The following RAPGEF2 variants were observed in gnomAD, a reference collection of about 807,000 sequenced individuals.
RAPGEF2 encodes Rap guanine nucleotide exchange factor 2, also known as PDZ domain containing guanine nucleotide exchange factor (GEF) 1.
Under a neutral mutation model 186.7 loss-of-function variants are expected in RAPGEF2, and 54 were observed. That is an observed-to-expected ratio of 0.29 (90% CI 0.23 to 0.36). The LOEUF (loss-of-function observed/expected upper bound fraction) is 0.36, where lower values mean the gene tolerates loss of function less well. Ranked by LOEUF, RAPGEF2 falls within the 10% of genes least tolerant of loss-of-function variation. The probability of loss-of-function intolerance (pLI) is 1.00; values close to 1 mark genes in which losing one functional copy is unlikely to be tolerated. For synonymous variants in RAPGEF2, 712 were observed against 705.9 expected, an observed-to-expected ratio of 1.01 and a Z score of -0.14; for missense variants, 1,532 against 2,045.0, an observed-to-expected ratio of 0.75 and a Z score of 4.84.
intron 1 of RAPGEF2, among the ~76,000 whole-genome samples, chr4:159,160,479 C>T (rs533997415): frequency 6.6e-6 from 1 of 152,310 alleles, no homozygotes; most frequent in African/African-American, 2.4e-5. Context: ...ACTCATGTAA[C>T]ATGGATATTG....
intron 18 of RAPGEF2, among the ~76,000 whole-genome samples, chr4:159,338,867 G>A (rs1487387414): frequency 6.6e-6 from 1 of 152,158 alleles, no homozygotes; most frequent in Non-Finnish European, 1.5e-5. Flanking sequence ...ACAGTCTTGA[G>A]TGCTACTGTT....
At chr4:159,315,917 C>T (rs1452878034) in intron 9 of RAPGEF2, among the ~76,000 whole-genome samples, 4 of 152,150 alleles carry the variant, frequency 2.6e-5, no homozygotes, top group African/African-American at 4.8e-5. Context: ...CGGATAACTG[C>T]GGGCGAGCCT....
chr4:159,183,506 A>G (rs970411800), intron 1 of RAPGEF2, among the ~76,000 whole-genome samples: 6 of 152,330 alleles, frequency 3.9e-5, no homozygotes, highest in African/African-American at 1.4e-4. Flanking sequence ...GGATTAGGTA[A>G]TGGTTTCTTA....
intron 3 of RAPGEF2, among the ~76,000 whole-genome samples, chr4:159,204,903 C>T (rs896024669): frequency 2.0e-5 from 3 of 152,042 alleles, no homozygotes; most frequent in Admixed American, 6.6e-5. Context: ...GTTTTTTGCC[C>T]AGTACTGGTA....
intron 7 of RAPGEF2, among the ~76,000 whole-genome samples, chr4:159,281,671 C>CAAAA (rs11346544): frequency 4.7e-5 from 4 of 85,160 alleles, no homozygotes; most frequent in Non-Finnish European, 9.0e-5. Context: ...AACTTGATTT[C>CAAAA]AAAAAAAAAA....
chr4:159,226,698 T>C (rs984752081), intron 4 of RAPGEF2, among the ~76,000 whole-genome samples: 1 of 152,200 alleles, frequency 6.6e-6, no homozygotes, highest in East Asian at 1.9e-4. Context: ...ACATTCTTCA[T>C]TGTATTTATT....
At chr4:159,242,395 T>C (rs1754124386) in intron 6 of RAPGEF2, among the ~76,000 whole-genome samples, 5 of 151,926 alleles carry the variant, frequency 3.3e-5, no homozygotes, top group African/African-American at 9.7e-5. Flanking sequence ...ACAAAATGCA[T>C]GGGAAAAATG....
In RAPGEF2 at chr4:159,219,862, T is replaced by C. The variant is rs182010633; in HGVS notation, c.281+9279T>C. Among the ~76,000 whole-genome samples the C allele has an allele frequency of 5.2e-5, 8 of 152,386 alleles. No homozygotes were observed. The East Asian group carries it at 1.3e-3, about 26-fold the overall frequency. On this transcript the variant is annotated intron_variant, in intron 4 of 29. Coordinates refer to ENST00000691494, the MANE Select transcript of RAPGEF2 (RefSeq NM_001394067.2). ...AACTGCTCACCTGCAATGTTTGATA[T>C]GCGTATACTTCTATCTTATTTGTCC...
chr4:159,339,485 G>GTT, intron 19 of RAPGEF2, 131 bp downstream of exon 19: 65 of 1,079,044 alleles, frequency 6.0e-5, no homozygotes, highest in Non-Finnish European at 7.7e-5. Flanking sequence ...TATTGTTGTT[G>GTT]TTTTTTTTTT....
intron 4 of RAPGEF2, among the ~76,000 whole-genome samples, chr4:159,213,306 A>T (rs1230074401): frequency 6.6e-6 from 1 of 152,196 alleles, no homozygotes; most frequent in Non-Finnish European, 1.5e-5. Flanking sequence ...TTGAGGTTCT[A>T]TATGGATTAG....
At chr4:159,184,737 T>G (rs1747384389) in intron 1 of RAPGEF2, among the ~76,000 whole-genome samples, 1 of 152,238 alleles carries the variant, frequency 6.6e-6, no homozygotes, top group African/African-American at 2.4e-5. Context: ...GCAGAAGCTC[T>G]TTAGTTTAAT....
chr4:159,220,597 G>C (rs529999145), intron 4 of RAPGEF2, among the ~76,000 whole-genome samples: 3 of 152,238 alleles, frequency 2.0e-5, no homozygotes, highest in African/African-American at 7.2e-5. Flanking sequence ...CTGTGGTCTG[G>C]ACATACTTTT....
At chr4:159,355,223 C>A (rs1731797243) in intron 28 of RAPGEF2, among the ~76,000 whole-genome samples, 2 of 152,152 alleles carry the variant, frequency 1.3e-5, no homozygotes, top group South Asian at 4.1e-4. Context: ...TATTCTAGGT[C>A]ATGAGCATCA....
chr4:159,199,307 A>T (rs185717950), intron 3 of RAPGEF2, among the ~76,000 whole-genome samples: 2 of 152,270 alleles, frequency 1.3e-5, no homozygotes, highest in African/African-American at 4.8e-5. Context: ...ACTATTTTAA[A>T]ATGAAAATGT....
intron 7 of RAPGEF2, among the ~76,000 whole-genome samples, chr4:159,258,360 A>G (rs1369480809): frequency 2.0e-5 from 3 of 152,138 alleles, no homozygotes; most frequent in Non-Finnish European, 4.4e-5. Context: ...AAAATATTTT[A>G]GAAATTTTTG....
chr4:159,349,739 A>T (rs1224887125), intron 25 of RAPGEF2, among the ~76,000 whole-genome samples: 26 of 152,216 alleles, frequency 1.7e-4, no homozygotes, highest in Admixed American at 1.7e-3. Flanking sequence ...TTTCCAACTC[A>T]AATTTGGTTT....
chr4:159,125,387 G>C (rs909991932), intron 1 of RAPGEF2, among the ~76,000 whole-genome samples: 3 of 152,254 alleles, frequency 2.0e-5, no homozygotes, highest in Admixed American at 6.5e-5. Context: ...ACCAGAGTTT[G>C]TATTCCGTTT....
At chr4:159,261,882 T>C (rs896179214) in intron 7 of RAPGEF2, among the ~76,000 whole-genome samples, 4 of 152,230 alleles carry the variant, frequency 2.6e-5, no homozygotes, top group South Asian at 4.1e-4. Context: ...CCCATCCTGT[T>C]CTTGTACAAG....
At chr4:159,104,515 A>AGAGAGAGAGAGAGAGG (rs1560964586) in intron 1 of RAPGEF2, among the ~76,000 whole-genome samples, 9 of 130,396 alleles carry the variant, frequency 6.9e-5, no homozygotes, top group East Asian at 6.4e-4. Flanking sequence ...AGAGAGAGAG[A>AGAGAGAGAGAGAGAGG]GAGAGAGAGA....
Sources: gnomAD v4.1 joint callset for allele counts (sites outside exome capture counted in the v4.1 genomes callset) on GRCh38, gnomAD v4.1.1 for gene constraint, MANE v1.5 for transcripts, NCBI Gene and HGNC (gene_info 2026-07-23, HGNC 2026-07-21) for gene names.